ABR: variants seen among roughly 807,000 people sequenced by gnomAD.
The protein encoded by ABR is ABR activator of RhoGEF and GTPase, also known as active breakpoint cluster region-related protein.
A neutral mutation model predicts 107.2 loss-of-function variants in ABR; 35 were observed. The observed-to-expected ratio is 0.33, with a 90% CI of 0.25 to 0.43. The LOEUF is 0.43. Ranked by LOEUF, ABR falls within the 20% of genes least tolerant of loss-of-function variation. The pLI is 1.00. For synonymous variants in ABR, 498 were observed against 462.0 expected, an observed-to-expected ratio of 1.08 and a Z score of -1.00; for missense variants, 815 against 1,115.2, an observed-to-expected ratio of 0.73 and a Z score of 3.83.
intron 1 of ABR, among the ~76,000 whole-genome samples, chr17:1,215,500 C>T (rs1308295125): frequency 1.3e-5 from 2 of 152,340 alleles, no homozygotes; most frequent in East Asian, 1.9e-4. Context: ...CTCGGCCTCC[C>T]GAGGTGCCGG....
At chr17:1,020,139 A>T (rs1284169424) in intron 16 of ABR, among the ~76,000 whole-genome samples, 3 of 151,938 alleles carry the variant, frequency 2.0e-5, no homozygotes, top group Non-Finnish European at 4.4e-5. Context: ...GCTGGAGTGC[A>T]GTGGCGCGAT....
intron 10 of ABR, among the ~76,000 whole-genome samples, chr17:1,063,293 C>G (rs1243375856): frequency 7.8e-5 from 9 of 115,148 alleles, no homozygotes; most frequent in African/African-American, 2.6e-4. Context: ...GCATGTTCCT[C>G]TAGACACTGC....
intron 16 of ABR, among the ~76,000 whole-genome samples, chr17:1,030,924 T>G (rs2150907245): frequency 6.6e-6 from 1 of 152,326 alleles, no homozygotes; most frequent in African/African-American, 2.4e-5. Flanking sequence ...ACGTGCCTGA[T>G]GCCAGGGCCC....
At chr17:1,195,002 G>T (rs116704989) in intron 1 of ABR, among the ~76,000 whole-genome samples, 1,808 of 149,122 alleles carry the variant, frequency 0.012, 37 homozygotes, top group African/African-American at 0.042. Context: ...TGTTGCCCAG[G>T]CTGCTCTTGA....
intron 1 of ABR, among the ~76,000 whole-genome samples, chr17:1,216,820 T>C (rs563162589): frequency 1.6e-4 from 25 of 152,144 alleles, no homozygotes; most frequent in Admixed American, 4.6e-4. Context: ...TTGATATGAA[T>C]AATTAATTTC....
At chr17:1,076,414 A>G (rs920239573) in intron 6 of ABR, among the ~76,000 whole-genome samples, 1 of 151,992 alleles carries the variant, frequency 6.6e-6, no homozygotes, top group African/African-American at 2.4e-5. Context: ...GCCCATCTTC[A>G]GGGGGAAAAA....
At chr17:1,013,411 GTTACCCGCCGTGGGGGAGGCAGGGCACAC>G (rs1567570695) in intron 16 of ABR, among the ~76,000 whole-genome samples, 3 of 151,852 alleles carry the variant, frequency 2.0e-5, no homozygotes, top group East Asian at 1.9e-4. Flanking sequence ...GGCACACCCT[GTTACCCGCCGTGGGGGAGGCAGGGCACAC>G]TCTGTTACCC....
intron 1 of ABR, among the ~76,000 whole-genome samples, chr17:1,208,519 C>T (rs1199557176): frequency 6.6e-6 from 1 of 152,186 alleles, no homozygotes; most frequent in Non-Finnish European, 1.5e-5. Flanking sequence ...TAATGAGATT[C>T]GAGTTCTCTG....
intron 1 of ABR, among the ~76,000 whole-genome samples, chr17:1,136,307 C>A: frequency 1.7e-5 from 1 of 60,226 alleles, no homozygotes; most frequent in Non-Finnish European, 4.2e-5. Context: ...CAGCTCACTG[C>A]AAGCTCCACC....
At position 1,005,835 on chromosome 17, in the gene ABR, A is replaced by T. The variant is rs533898378; in HGVS notation, c.*245T>A. 6 of 571,932 alleles carry T rather than the reference A, an allele frequency of 1.0e-5. No homozygotes were observed. Among genetic ancestry groups the T allele is most frequent in the Non-Finnish European group, 1.9e-5 (6 of 319,540 alleles). The allele number at this position is 571,932 out of a possible 1,614,324, so 35.4% of individuals were successfully genotyped here. ...ATAAAACAATTCCCGAACAGCACGG[A>T]GCATCAGACACAACTAGAGGTATGG... On this transcript the variant is annotated 3_prime_UTR_variant, in exon 23 of 23. Coordinates refer to ENST00000302538, the MANE Select transcript of ABR (RefSeq NM_021962.5).
At chr17:1,192,970 C>T (rs2042468730) in intron 1 of ABR, among the ~76,000 whole-genome samples, 1 of 152,176 alleles carries the variant, frequency 6.6e-6, no homozygotes, top group Admixed American at 6.5e-5. Context: ...ATCCCTTGAA[C>T]CCAGGAGGCG....
rs187942937 is a variant in ABR, at chr17:1,140,878, C to T, written c.62-15511G>A. Reference sequence around the variant, plus strand: ...GATGACAAGTGTGAGCCACCGCGCCCGGCCAGTCTTCTATTGCACTGGGAG... The same window carrying T: ...GATGACAAGTGTGAGCCACCGCGCCTGGCCAGTCTTCTATTGCACTGGGAG... On this transcript the variant is annotated intron_variant, in intron 1 of 22. Transcript: ENST00000302538. Among the ~76,000 whole-genome samples, 27 of 151,904 alleles carry T rather than the reference C, an allele frequency of 1.8e-4. No homozygotes were observed. The East Asian group carries it at 4.5e-3, about 25-fold the overall frequency.
At chr17:1,111,727 C>G (rs189538978) in intron 2 of ABR, among the ~76,000 whole-genome samples, 165 of 152,346 alleles carry the variant, frequency 1.1e-3, no homozygotes, top group Middle Eastern at 6.8e-3. Context: ...TGTGGAGTCA[C>G]TTGCTTGGGC....
In ABR at chr17:1,194,222, C is replaced by G. The variant is rs143329786; in HGVS notation, c.838+34571G>C. On this transcript the variant is annotated intron_variant, in intron 1 of 22. Transcript: ENST00000574139. ...TGATTGATTGAGACAGAGTCTCTCT[C>G]TGTCGCCCAGGCTGGAGTGCAATGG... Among the ~76,000 whole-genome samples the G allele has an allele frequency of 8.9e-3, 1,359 of 151,936 alleles. 15 individuals carry two copies. The highest frequency in any genetic ancestry group is 0.032 in the African/African-American group (1,307 of 41,474).
intron 12 of ABR, among the ~76,000 whole-genome samples, chr17:1,057,365 TGG>T: frequency 7.9e-6 from 1 of 127,128 alleles, no homozygotes; most frequent in East Asian, 2.2e-4. Context: ...TGTGTGTGTG[TGG>T]TGTATGCGTT....
intron 5 of ABR, among the ~76,000 whole-genome samples, chr17:1,081,600 C>G (rs1188135355): frequency 6.6e-6 from 1 of 151,964 alleles, no homozygotes; most frequent in Non-Finnish European, 1.5e-5. Flanking sequence ...TTTTTCCAGA[C>G]AGGGTCTCGC....
chr17:1,069,738 GC>G (rs2151167361), intron 9 of ABR, among the ~76,000 whole-genome samples: 1 of 113,452 alleles, frequency 8.8e-6, no homozygotes, highest in South Asian at 3.2e-4. Context: ...TCCCTCCCCC[GC>G]CCTGTGCCAC....
At chr17:1,089,564 C>T (rs911168560) in intron 4 of ABR, among the ~76,000 whole-genome samples, 15 of 152,200 alleles carry the variant, frequency 9.9e-5, no homozygotes, top group African/African-American at 3.6e-4. Flanking sequence ...GCAACGTCTC[C>T]CTCCATGCCC....
At chr17:1,017,905 T>C (rs906122168) in intron 16 of ABR, among the ~76,000 whole-genome samples, 1 of 149,394 alleles carries the variant, frequency 6.7e-6, no homozygotes, top group African/African-American at 2.5e-5. Context: ...ACTCGGCCTG[T>C]ATTTATTTTT....
Sources: gnomAD v4.1 joint callset for allele counts (sites outside exome capture counted in the v4.1 genomes callset) on GRCh38, gnomAD v4.1.1 for gene constraint, MANE v1.5 for transcripts, NCBI Gene and HGNC (gene_info 2026-07-23, HGNC 2026-07-21) for gene names.